ANKRD10: variants seen among roughly 807,000 people sequenced by gnomAD.
ANKRD10 encodes ankyrin repeat domain-containing protein 10.
A neutral mutation model predicts 27.0 loss-of-function variants in ANKRD10; 14 were observed. The observed-to-expected ratio is 0.52, with a 90% CI of 0.34 to 0.81. ANKRD10 has a LOEUF of 0.81. Among genes scored for constraint, ANKRD10 ranks in the 40% least tolerant of loss-of-function variants. ANKRD10 has a pLI of 0.01. For synonymous variants in ANKRD10, 250 were observed against 224.5 expected (o/e 1.11, Z -1.01); for missense variants, 493 against 544.0 (o/e 0.91, Z 0.93).
chr13:110,894,403 C>CAAAAAAAAAAAAAAAAAAA (rs5806877), intron 3 of ANKRD10: 4 of 62,684 alleles, frequency 6.4e-5, no homozygotes, highest in African/African-American at 2.5e-4. Flanking sequence ...ACTGTTAATG[C>CAAAAAAAAAAAAAAAAAAA]AAAAAAAAAA....
At position 110,879,782 on chromosome 13, in the gene ANKRD10, T is replaced by C. The variant is rs774338622; in HGVS notation, c.1118A>G (p.Tyr373Cys). The change falls in exon 6 of 6, where the codon TAC becomes TGC. Residue 373 changes from tyrosine (Y) to cysteine (C), a missense_variant. Tyr to Cys is a radical substitution (Grantham distance 194). Coordinates refer to ENST00000267339, the MANE Select transcript of ANKRD10 (RefSeq NM_017664.4). Reference sequence around the variant, plus strand: ...CCCAAACCCGTGGTAGTGTCCATAGTACAGGTTATCCCCAATGTCTTCCAC... The same window carrying C: ...CCCAAACCCGTGGTAGTGTCCATAGCACAGGTTATCCCCAATGTCTTCCAC... The part of the protein sequence containing the change: ...SWVEDIGDNL[Y>C]YGHYHGFGDT... 2.5e-6 allele frequency: 4 copies of C among 1,614,248 alleles called. No homozygotes were observed. The highest frequency in any genetic ancestry group is 3.4e-6 in the Non-Finnish European group (4 of 1,180,038).
At chr13:110,888,735 G>C (rs963444025) in intron 4 of ANKRD10, among the ~76,000 whole-genome samples, 1 of 152,176 alleles carries the variant, frequency 6.6e-6, no homozygotes, top group Non-Finnish European at 1.5e-5. Context: ...CTCTGGGAAA[G>C]TGTTAAAACT....
At chr13:110,910,841 C>T (rs148355794) in intron 1 of ANKRD10, 71 bp from the exon 2 acceptor site, 18 of 1,426,080 alleles carry the variant, frequency 1.3e-5, no homozygotes, top group Admixed American at 9.9e-5. Context: ...CATGAATAAT[C>T]GAAATTCTAT....
In ANKRD10 at chr13:110,906,117, T is replaced by C. The variant is rs1367424217; in HGVS notation, c.371A>G (p.Glu124Gly). ...AGANINKPDC[E>G]GETPIHKAAR... ...TGCCTTGTGAATGGGAGTTTCACCC[T>C]CACAATCCTGAAACAACAAAAAGCA... is the stretch of plus-strand genomic sequence containing the variant. Residue 124 changes from glutamate to glycine, a missense_variant, in exon 3 of 6, where the codon GAG becomes GGG. Glu to Gly is a moderately conservative substitution (Grantham distance 98, BLOSUM62 -2). Coordinates refer to ENST00000267339, the MANE Select transcript of ANKRD10 (RefSeq NM_017664.4). The C allele has an allele frequency of 3.1e-6, 5 of 1,597,780 alleles. No homozygotes were observed. The highest frequency in any genetic ancestry group is 4.3e-6 in the Non-Finnish European group (5 of 1,171,632).
intron 3 of ANKRD10, among the ~76,000 whole-genome samples, chr13:110,904,542 C>T (rs1200641824): frequency 1.3e-5 from 2 of 152,160 alleles, no homozygotes; most frequent in African/African-American, 4.8e-5. Context: ...TTCTAATTAT[C>T]CACTGTTTGA....
At chr13:110,908,104 C>T (rs889831034) in intron 2 of ANKRD10, among the ~76,000 whole-genome samples, 1 of 152,078 alleles carries the variant, frequency 6.6e-6, no homozygotes, top group Non-Finnish European at 1.5e-5. Flanking sequence ...GTGCCCGGGC[C>T]TCCAGCTCAG....
At position 110,910,718 on chromosome 13, in the gene ANKRD10, G is replaced by A; in HGVS notation, c.263C>T (p.Thr88Ile). ...GGCTGGCGTCTGCGCGTACCGTGTG[G>A]TGGAGACGTTGAGTGTGGCTCCCGC... ...VRAGATLNVS[T>I]TRYAQTPAHI... The change falls in exon 2 of 6, where the codon ACC becomes ATC. Residue 88 changes from threonine to isoleucine, a missense_variant. Physicochemically the swap from Thr to Ile is moderately conservative, Grantham distance 89. Transcript: ENST00000267339. 1.2e-6 allele frequency: 2 copies of A among 1,614,132 alleles called. No homozygotes were observed. The highest frequency in any genetic ancestry group is 1.7e-6 in the Non-Finnish European group (2 of 1,180,002).
At chr13:110,909,425 ACT>A (rs1198671158) in intron 2 of ANKRD10, among the ~76,000 whole-genome samples, 3 of 152,186 alleles carry the variant, frequency 2.0e-5, no homozygotes, top group Admixed American at 6.5e-5. Flanking sequence ...GTAATTCATA[ACT>A]CTCGAATTTA....
At position 110,880,041 on chromosome 13, in the gene ANKRD10, G is replaced by A. The variant is rs1246366714; in HGVS notation, c.859C>T (p.Pro287Ser). ...ATCCCACTGAGCGGGGTCGTGGAGG[G>A]GAAGTCCAAATGTCCATTGATGACA... ...GCVINGHLDF[P>S]STTPLSGMES... The change falls in exon 6 of 6, where the codon CCC (proline) becomes TCC (serine). Residue 287 changes from proline (P) to serine (S), a missense_variant. By Grantham distance (74) the Pro-to-Ser change is moderately conservative. Coordinates refer to ENST00000267339, the MANE Select transcript of ANKRD10 (RefSeq NM_017664.4). 6.2e-7 allele frequency: 1 copy of A among 1,614,076 alleles called. No homozygotes were observed. The highest frequency in any genetic ancestry group is 2.2e-5 in the East Asian group (1 of 44,898).
In ANKRD10 at chr13:110,914,745, A is replaced by T; in HGVS notation, c.190T>A (p.Trp64Arg). 1 of 1,592,224 alleles carries T rather than the reference A, an allele frequency of 6.3e-7. No homozygotes were observed. Among genetic ancestry groups the T allele is most frequent in the Non-Finnish European group, 8.5e-7 (1 of 1,170,330 alleles). Residue 64 changes from tryptophan to arginine, a missense_variant, in exon 1 of 6, where the codon TGG (tryptophan) becomes AGG (arginine). Physicochemically the swap from Trp to Arg is moderately radical, Grantham distance 101. Transcript: ENST00000267339. ...CCCACCTTGCCGAAATGCGCGGCCC[A>T]GTGCACGGGCGTCCAGCCATAGAAG... Reference protein sequence around the residue: ...DSFYGWTPVHWAAHFGKLECL... With the variant: ...DSFYGWTPVHRAAHFGKLECL...
intron 2 of ANKRD10, among the ~76,000 whole-genome samples, chr13:110,906,936 G>GA (rs1278690778): frequency 1.3e-5 from 2 of 152,106 alleles, no homozygotes; most frequent in African/African-American, 4.8e-5. Context: ...CTGCATGAAT[G>GA]AAACAACCTG....
chr13:110,878,629 A>C lies in ANKRD10; in HGVS notation c.*1008T>G, dbSNP rs2064755474. The C allele has an allele frequency of 1.3e-5, 2 of 152,548 alleles. No homozygotes were observed. Among genetic ancestry groups the C allele is most frequent in the Admixed American group, 1.3e-4 (2 of 15,282 alleles). 9.4% of individuals were successfully genotyped at this position (152,548 alleles called of 1,614,324 possible). A position where few individuals can be genotyped will look rare whatever the true frequency, so the allele number is the denominator to read the frequency against. ...CTTAGAACACTGGTTTGTTCATTTG[A>C]CATTTTATCTGCACCAATTTTTATT... On this transcript the variant is annotated 3_prime_UTR_variant, in exon 6 of 6. Coordinates refer to ENST00000267339, the MANE Select transcript of ANKRD10 (RefSeq NM_017664.4).
Position 110,906,052 on chromosome 13 carries a change from C to T in ANKRD10, c.436G>A (p.Ala146Thr), listed in dbSNP as rs760920816. Residue 146 changes from alanine (A) to threonine (T), a missense_variant, in exon 3 of 6, where the codon GCG becomes ACG. By Grantham distance (58) the Ala-to-Thr change is moderately conservative (BLOSUM62 0). Transcript: ENST00000267339. ...ACTTACTCGACGTGAGCCCCATTCGCCACAAGGGCACTGATGCATTCTAGG... is the reference window on the plus strand; with the variant it reads ...ACTTACTCGACGTGAGCCCCATTCGTCACAAGGGCACTGATGCATTCTAGG... ...GSLECISALV[A>T]NGAHVDLRNA... 1 of 1,600,892 alleles carries T rather than the reference C, an allele frequency of 6.2e-7. No homozygotes were observed. Among genetic ancestry groups the T allele is most frequent in the Non-Finnish European group, 8.5e-7 (1 of 1,172,500 alleles).
At position 110,914,836 on chromosome 13, in the gene ANKRD10, C is replaced by T. The variant is rs1221277899; in HGVS notation, c.99G>A (p.Gly33=). ...RFPLHRACRD[G]DLATLCSLLQ... is the part of the protein sequence containing the mutation. ...GCAGCGAGCAGAGCGTGGCCAGGTC[C>T]CCGTCGCGGCAGGCGCGGTGCAGCG... Residue 33 remains glycine, a synonymous_variant, in exon 1 of 6, where the codon GGG becomes GGA. Coordinates refer to ENST00000267339, the MANE Select transcript of ANKRD10 (RefSeq NM_017664.4). 1 of 1,579,324 alleles carries T rather than the reference C, an allele frequency of 6.3e-7. No individual in the cohort carries two copies. Among genetic ancestry groups the T allele is most frequent in the South Asian group, 1.2e-5 (1 of 86,510 alleles).
intron 3 of ANKRD10, among the ~76,000 whole-genome samples, chr13:110,901,334 C>G (rs1041352938): frequency 2.6e-5 from 4 of 152,096 alleles, no homozygotes; most frequent in African/African-American, 9.7e-5. Context: ...GCCAAGTTTT[C>G]AAGTTTAAAG....
Position 110,878,643 on chromosome 13 carries a change from C to G in ANKRD10, c.*994G>C, listed in dbSNP as rs2138813531. 1 of 152,624 alleles carries G rather than the reference C, an allele frequency of 6.6e-6. No homozygotes were observed. The highest frequency in any genetic ancestry group is 2.1e-4 in the South Asian group (1 of 4,824). The allele number at this position is 152,624 out of a possible 1,614,324, so 9.5% of individuals were successfully genotyped here. A position where few individuals can be genotyped will look rare whatever the true frequency, so the allele number is the denominator to read the frequency against. ...TTGTTCATTTGACATTTTATCTGCA[C>G]CAATTTTTATTACAAAAATCAAAAA... On this transcript the variant is annotated 3_prime_UTR_variant, in exon 6 of 6. Transcript: ENST00000267339.
chr13:110,904,544 ACT>A (rs770260929), intron 3 of ANKRD10, among the ~76,000 whole-genome samples: 17 of 152,240 alleles, frequency 1.1e-4, no homozygotes, highest in Non-Finnish European at 2.4e-4. Flanking sequence ...CTAATTATCC[ACT>A]GTTTGAATAA....
intron 1 of ANKRD10, 165 bp downstream of exon 1, chr13:110,914,560 G>C (rs1209220958): frequency 2.0e-6 from 2 of 992,192 alleles, no homozygotes; most frequent in Non-Finnish European, 2.6e-6. Context: ...CGGGCCGCGA[G>C]CGCTGCCGCA....
chr13:110,894,301 A>T (rs1180700362), intron 3 of ANKRD10: 5 of 705,768 alleles, frequency 7.1e-6, no homozygotes. Context: ...AGCAAGCTAC[A>T]CTACATCCAC....
Sources: allele counts gnomAD v4.1 joint callset (sites outside exome capture counted in the v4.1 genomes callset), GRCh38; gene constraint gnomAD v4.1.1; transcripts MANE v1.5; gene names NCBI Gene and HGNC (gene_info 2026-07-23, HGNC 2026-07-21).